Variants in ZSWIM7 observed in about 807,000 individuals in gnomAD.
The protein encoded by ZSWIM7 is zinc finger SWIM domain-containing protein 7.
ZSWIM7 carries 22 observed loss-of-function variants against 21.1 expected under a neutral mutation model. The ratio of observed to expected loss-of-function variants is 1.04; its 90% CI spans 0.74 to 1.49. The LOEUF is 1.49. ZSWIM7 is among the 40% of genes most tolerant of loss of function. ZSWIM7 has a pLI of 0.00. For missense variants in ZSWIM7, 193 were observed against 168.0 expected, an observed-to-expected ratio of 1.15 and a Z score of -0.82; for synonymous variants, 67 against 66.5, an observed-to-expected ratio of 1.01 and a Z score of -0.04.
intron 2 of ZSWIM7, among the ~76,000 whole-genome samples, 189 bp from the exon 3 acceptor site, chr17:15,987,557 T>G (rs1264003043): frequency 6.6e-6 from 1 of 152,110 alleles, no homozygotes; most frequent in Non-Finnish European, 1.5e-5. Context: ...GTGTACTTAT[T>G]TCAGATCTTC....
At chr17:15,985,809 A>C (rs916355597) in intron 3 of ZSWIM7, among the ~76,000 whole-genome samples, 1 of 152,178 alleles carries the variant, frequency 6.6e-6, no homozygotes, top group Non-Finnish European at 1.5e-5. Flanking sequence ...TCAAGACCAA[A>C]TATCCCAAAC....
At chr17:15,981,321 C>A (rs886988746) in intron 3 of ZSWIM7, among the ~76,000 whole-genome samples, 177 bp from the exon 4 acceptor site, 1 of 152,112 alleles carries the variant, frequency 6.6e-6, no homozygotes. Flanking sequence ...ACTCTCCCTT[C>A]CTCACCTCTC....
At position 15,999,682 on chromosome 17, in the gene ZSWIM7, G is replaced by T; in HGVS notation, c.-88C>A. 2 of 1,557,570 alleles carry T rather than the reference G, an allele frequency of 1.3e-6. No individual in the cohort carries two copies. The highest frequency in any genetic ancestry group is 1.4e-5 in the African/African-American group (1 of 73,554). On this transcript the variant is annotated 5_prime_UTR_variant, in exon 1 of 5. Transcript: ENST00000399277. Reference sequence around the variant, plus strand: ...TACCTGTGGAGGATCCTGACCCCCCGCCGGGGCAGGGCGAGACGGAGTGAC... The same window carrying T: ...TACCTGTGGAGGATCCTGACCCCCCTCCGGGGCAGGGCGAGACGGAGTGAC...
chr17:15,983,536 T>C (rs1239208646), intron 3 of ZSWIM7, among the ~76,000 whole-genome samples: 5 of 151,682 alleles, frequency 3.3e-5, no homozygotes, highest in Non-Finnish European at 7.4e-5. Flanking sequence ...TTAAAGCAGA[T>C]TGTTTTCTAC....
chr17:15,999,276 A>AG, intron 1 of ZSWIM7: 1 of 624,080 alleles, frequency 1.6e-6, no homozygotes, highest in East Asian at 2.8e-5. Context: ...GCTCCGACGG[A>AG]GGGGCTCCTG....
At chr17:15,986,688 T>A (rs1379019143) in intron 3 of ZSWIM7, 1 of 151,998 alleles carries the variant, frequency 6.6e-6, no homozygotes, top group Non-Finnish European at 1.5e-5. Context: ...GATAAGGAGA[T>A]ATTGGTCAAA....
intron 1 of ZSWIM7, among the ~76,000 whole-genome samples, chr17:15,996,842 C>T (rs949856966): frequency 6.7e-6 from 1 of 150,214 alleles, no homozygotes; most frequent in Non-Finnish European, 1.5e-5. Context: ...CAGAGCAAGA[C>T]CTTGTCTCGA....
intron 3 of ZSWIM7, among the ~76,000 whole-genome samples, chr17:15,983,409 C>T (rs925624177): frequency 6.8e-6 from 1 of 147,728 alleles, no homozygotes; most frequent in African/African-American, 2.5e-5. Flanking sequence ...AAAAAGCACA[C>T]CTTGCATATT....
chr17:15,991,177 T>C (rs1237998606), intron 2 of ZSWIM7: 1 of 141,456 alleles, frequency 7.1e-6, no homozygotes, highest in Non-Finnish European at 1.5e-5. Flanking sequence ...CTTGAATGCA[T>C]TAAAAATTTT....
chr17:15,983,085 G>A (rs1019909939), intron 3 of ZSWIM7, among the ~76,000 whole-genome samples: 1 of 152,072 alleles, frequency 6.6e-6, no homozygotes, highest in Non-Finnish European at 1.5e-5. Flanking sequence ...AGTGGCTCAC[G>A]TCTGTAATCC....
chr17:15,977,015 T>C lies in ZSWIM7; in HGVS notation c.*1032A>G, dbSNP rs1970285783. The stretch of plus-strand genomic sequence containing the variant: ...CTTCTGTCATCTATTTTGTCTTTTC[T>C]TCTTCAGACTGAAAATCCCTGGTAG... On this transcript the variant is annotated 3_prime_UTR_variant, in exon 5 of 5. Transcript: ENST00000399277. The C allele has an allele frequency of 6.6e-6, 1 of 152,204 alleles. No individual in the cohort carries two copies. Among genetic ancestry groups the C allele is most frequent in the African/African-American group, 2.4e-5 (1 of 41,444 alleles). 9.4% of individuals were successfully genotyped at this position (152,204 alleles called of 1,614,324 possible).
chr17:15,986,880 T>A (rs552073023), intron 3 of ZSWIM7: 59 of 154,262 alleles, frequency 3.8e-4, no homozygotes, highest in Non-Finnish European at 7.3e-4. Flanking sequence ...GGCAACATAG[T>A]GAGACCCTGT....
intron 1 of ZSWIM7, among the ~76,000 whole-genome samples, chr17:15,995,375 C>T (rs1470306090): frequency 6.6e-6 from 1 of 151,664 alleles, no homozygotes; most frequent in Admixed American, 6.6e-5. Flanking sequence ...TCAAGCAATT[C>T]TCCTGCCTCA....
intron 1 of ZSWIM7, among the ~76,000 whole-genome samples, chr17:15,994,630 A>C (rs920152602): frequency 3.9e-5 from 6 of 152,168 alleles, no homozygotes; most frequent in Admixed American, 1.3e-4. Flanking sequence ...GTTCAAACAC[A>C]GGCTATTTGG....
intron 3 of ZSWIM7, 139 bp from the exon 4 acceptor site, chr17:15,981,283 A>G: frequency 1.7e-6 from 1 of 599,324 alleles, no homozygotes; most frequent in South Asian, 2.1e-5. Flanking sequence ...ATAAAAGAGG[A>G]AACAACTTCT....
intron 4 of ZSWIM7, chr17:15,980,130 C>T (rs1176355738): frequency 1.3e-5 from 2 of 155,736 alleles, no homozygotes; most frequent in East Asian, 3.8e-4. Flanking sequence ...CGCCCCTCAC[C>T]TCCCGGACGA....
chr17:15,982,079 T>C (rs1225973524), intron 3 of ZSWIM7, among the ~76,000 whole-genome samples: 1 of 152,014 alleles, frequency 6.6e-6, no homozygotes, highest in Non-Finnish European at 1.5e-5. Context: ...ATCTGCCTAC[T>C]CATCTAGCAG....
chr17:15,978,922 C>T (rs1011562744), intron 4 of ZSWIM7, among the ~76,000 whole-genome samples: 1 of 151,046 alleles, frequency 6.6e-6, no homozygotes, highest in African/African-American at 2.4e-5. Flanking sequence ...ACCACATGCT[C>T]ATCAGAGTCT....
Position 15,999,601 on chromosome 17 carries a change from G to A in ZSWIM7, c.-7C>T, listed in dbSNP as rs1188793653. On this transcript the variant is annotated 5_prime_UTR_variant, in exon 1 of 5. Coordinates refer to ENST00000399277, the MANE Select transcript of ZSWIM7 (RefSeq NM_001042697.2). ...CCGGCAACACTACGGCCATCGCGCC[G>A]CAGGACACGCCCTCCACGACCGGCG... 6.4e-6 allele frequency: 10 copies of A among 1,570,670 alleles called. No individual in the cohort carries two copies. The highest frequency in any genetic ancestry group is 5.4e-5 in the African/African-American group (4 of 73,868).
Sources: gnomAD v4.1 joint callset for allele counts (sites outside exome capture counted in the v4.1 genomes callset) on GRCh38, gnomAD v4.1.1 for gene constraint, MANE v1.5 for transcripts, NCBI Gene and HGNC (gene_info 2026-07-23, HGNC 2026-07-21) for gene names.